EFNA5: variants seen among roughly 807,000 people sequenced by gnomAD.
EFNA5 encodes ephrin-A5.
A neutral mutation model predicts 22.9 loss-of-function variants in EFNA5; 5 were observed. The observed-to-expected ratio is 0.22, with a 90% CI of 0.11 to 0.46. EFNA5 has a LOEUF of 0.46. EFNA5 is among the 20% of genes least tolerant of loss of function. The pLI is 0.99. For missense variants in EFNA5, 237 were observed against 293.3 expected, an observed-to-expected ratio of 0.81 and a Z score of 1.40; for synonymous variants, 113 against 112.2, an observed-to-expected ratio of 1.01 and a Z score of -0.04.
intron 1 of EFNA5, among the ~76,000 whole-genome samples, chr5:107,580,671 C>T (rs376674852): frequency 2.8e-5 from 4 of 142,094 alleles, no homozygotes; most frequent in African/African-American, 8.0e-5. Context: ...TGCAGTGAGC[C>T]GAGATGCGCC....
intron 1 of EFNA5, among the ~76,000 whole-genome samples, chr5:107,588,989 A>G (rs955448481): frequency 2.6e-5 from 4 of 152,180 alleles, no homozygotes; most frequent in Non-Finnish European, 5.9e-5. Context: ...CTTGCTCTAA[A>G]AAAAGGTTTC....
At chr5:107,601,724 C>A (rs1337546711) in intron 1 of EFNA5, among the ~76,000 whole-genome samples, 1 of 152,154 alleles carries the variant, frequency 6.6e-6, no homozygotes, top group East Asian at 1.9e-4. Flanking sequence ...GCTCCAAATT[C>A]TTTAACTCAT....
At chr5:107,502,410 C>G (rs1415152349) in intron 1 of EFNA5, among the ~76,000 whole-genome samples, 1 of 152,160 alleles carries the variant, frequency 6.6e-6, no homozygotes. Context: ...ATTTATCTAG[C>G]ACATCTTCCC....
chr5:107,387,776 G>C lies in EFNA5; in HGVS notation c.419-5C>G, dbSNP rs780240959. The C allele has an allele frequency of 6.2e-6, 10 of 1,606,138 alleles. No individual in the cohort carries two copies. The highest frequency in any genetic ancestry group is 5.1e-5 in the Admixed American group (3 of 59,376). On this transcript the variant is annotated splice_region_variant and splice_polypyrimidine_tract_variant and intron_variant, in intron 2 of 4. Coordinates refer to ENST00000333274, the MANE Select transcript of EFNA5 (RefSeq NM_001962.3). ...CATTATCTGGGATTGCAGAGGCTGT[G>C]GGTAACACAGAGAGAGAGCAGGAAA...
At chr5:107,605,849 G>A (rs1749701493) in intron 1 of EFNA5, among the ~76,000 whole-genome samples, 1 of 152,116 alleles carries the variant, frequency 6.6e-6, no homozygotes, top group Non-Finnish European at 1.5e-5. Context: ...AGCCCATATG[G>A]GGCACTGGGA....
chr5:107,388,357 C>G (rs1478363083), intron 2 of EFNA5: 1 of 152,234 alleles, frequency 6.6e-6, no homozygotes, highest in Non-Finnish European at 1.5e-5. Context: ...ATGACTAACC[C>G]AAGCCCGGTA....
In EFNA5 at chr5:107,525,252, T is replaced by C. The variant is rs995585563; in HGVS notation, c.126-97743A>G. ...TGAAGAAATTACAGTTCTTGGCACA[T>C]ACAGTTCTTGGCACACAGTGTATAT... On this transcript the variant is annotated intron_variant, in intron 1 of 4. Coordinates refer to ENST00000333274, the MANE Select transcript of EFNA5 (RefSeq NM_001962.3). Among the ~76,000 whole-genome samples the C allele has an allele frequency of 2.6e-5, 4 of 152,106 alleles. No homozygotes were observed. In the East Asian group the frequency reaches 5.8e-4, roughly 22 times the overall value.
intron 1 of EFNA5, among the ~76,000 whole-genome samples, chr5:107,561,062 G>T (rs558218124): frequency 2.0e-4 from 30 of 152,236 alleles, no homozygotes; most frequent in Middle Eastern, 3.4e-3. Context: ...TGCTGTATAA[G>T]GGATATAATC....
chr5:107,627,193 A>G (rs983088440), intron 1 of EFNA5, among the ~76,000 whole-genome samples: 3 of 152,188 alleles, frequency 2.0e-5, no homozygotes, highest in Non-Finnish European at 1.5e-5. Context: ...AGCACATTAG[A>G]GTAACTGGAT....
intron 4 of EFNA5, among the ~76,000 whole-genome samples, chr5:107,382,130 A>G (rs1214731882): frequency 6.6e-6 from 1 of 152,188 alleles, no homozygotes; most frequent in Non-Finnish European, 1.5e-5. Context: ...AATAAAATAG[A>G]TTAAGTGAGT....
At chr5:107,607,288 G>A (rs1056489881) in intron 1 of EFNA5, among the ~76,000 whole-genome samples, 6 of 152,102 alleles carry the variant, frequency 3.9e-5, no homozygotes, top group Non-Finnish European at 5.9e-5. Context: ...CTCCCACCCC[G>A]GGTGGGAAGC....
intron 1 of EFNA5, among the ~76,000 whole-genome samples, chr5:107,562,936 T>C (rs1748581167): frequency 2.0e-5 from 3 of 152,220 alleles, no homozygotes; most frequent in African/African-American, 7.2e-5. Context: ...ATTAAATTAC[T>C]GAGCTGTTTG....
intron 1 of EFNA5, among the ~76,000 whole-genome samples, chr5:107,660,512 A>T (rs1342033061): frequency 6.6e-6 from 1 of 151,536 alleles, no homozygotes; most frequent in Non-Finnish European, 1.5e-5. Context: ...GAATAAAGGA[A>T]TTGCTTATTA....
At chr5:107,450,963 T>C (rs1305148517) in intron 1 of EFNA5, among the ~76,000 whole-genome samples, 2 of 152,260 alleles carry the variant, frequency 1.3e-5, no homozygotes, top group Non-Finnish European at 2.9e-5. Context: ...TCTTGGCATT[T>C]GATCCTGAAG....
intron 2 of EFNA5, among the ~76,000 whole-genome samples, chr5:107,419,879 C>A (rs949786653): frequency 1.3e-5 from 2 of 152,172 alleles, no homozygotes; most frequent in Admixed American, 1.3e-4. Flanking sequence ...CACACACACA[C>A]TGAAGCAAAT....
intron 1 of EFNA5, among the ~76,000 whole-genome samples, chr5:107,525,727 G>A (rs1037694507): frequency 6.6e-6 from 1 of 152,124 alleles, no homozygotes; most frequent in Non-Finnish European, 1.5e-5. Context: ...GGAGAAAGAA[G>A]AGGGGTTGGT....
intron 1 of EFNA5, among the ~76,000 whole-genome samples, chr5:107,571,553 A>T (rs11952724): frequency 0.014 from 1,975 of 138,268 alleles, 39 homozygotes; most frequent in African/African-American, 0.05. Context: ...TTTTTTTTTT[A>T]AAGAATAAAA....
intron 1 of EFNA5, among the ~76,000 whole-genome samples, chr5:107,653,105 T>A (rs1396627647): frequency 6.6e-6 from 1 of 151,940 alleles, no homozygotes; most frequent in South Asian, 2.1e-4. Flanking sequence ...GGGAGAAGCA[T>A]CATTCTGGAA....
At chr5:107,623,023 G>A (rs1230575620) in intron 1 of EFNA5, among the ~76,000 whole-genome samples, 1 of 68,574 alleles carries the variant, frequency 1.5e-5, no homozygotes, top group African/African-American at 8.0e-5. Flanking sequence ...GCGAGACTCC[G>A]TCTCAAAAAA....
Sources: gnomAD v4.1 joint callset for allele counts (sites outside exome capture counted in the v4.1 genomes callset) on GRCh38, gnomAD v4.1.1 for gene constraint, MANE v1.5 for transcripts, NCBI Gene and HGNC (gene_info 2026-07-23, HGNC 2026-07-21) for gene names.